Variants in DNAJC3 observed in about 807,000 individuals in gnomAD.
DNAJC3 encodes the protein dnaJ homolog subfamily C member 3.
Under a neutral mutation model 68.6 loss-of-function variants are expected in DNAJC3, and 38 were observed. That is an observed-to-expected ratio of 0.55 (90% CI 0.43 to 0.73). DNAJC3 has a LOEUF of 0.73. Among genes scored for constraint, DNAJC3 ranks in the 30% least tolerant of loss-of-function variants. The probability of loss-of-function intolerance (pLI) is 0.00; values close to 1 mark genes in which losing one functional copy is unlikely to be tolerated. For synonymous variants in DNAJC3, 203 were observed against 204.0 expected (o/e 1.00, Z 0.04); for missense variants, 526 against 591.9 (o/e 0.89, Z 1.16).
At chr13:95,787,443 C>A (rs1472065709) in intron 11 of DNAJC3, among the ~76,000 whole-genome samples, 2 of 152,160 alleles carry the variant, frequency 1.3e-5, no homozygotes, top group African/African-American at 4.8e-5. Flanking sequence ...GTTTTTTCAA[C>A]ACTGAGCATA....
chr13:95,771,339 T>C (rs1883153031), intron 9 of DNAJC3, among the ~76,000 whole-genome samples: 2 of 152,146 alleles, frequency 1.3e-5, no homozygotes, highest in Non-Finnish European at 2.9e-5. Context: ...AGTCAGACTT[T>C]ATTCAAGGGG....
chr13:95,679,785 A>G (rs1879866321), intron 1 of DNAJC3, among the ~76,000 whole-genome samples: 1 of 152,228 alleles, frequency 6.6e-6, no homozygotes, highest in Non-Finnish European at 1.5e-5. Context: ...ATCTCATAAT[A>G]CTATGTTGTA....
intron 1 of DNAJC3, among the ~76,000 whole-genome samples, chr13:95,691,020 AC>A (rs1366047353): frequency 8.5e-6 from 1 of 117,502 alleles, no homozygotes; most frequent in Non-Finnish European, 1.7e-5. Flanking sequence ...CGGGGGGCTG[AC>A]CCCCCCACCT....
At chr13:95,705,518 C>CT (rs1163411596) in intron 1 of DNAJC3, among the ~76,000 whole-genome samples, 2 of 149,818 alleles carry the variant, frequency 1.3e-5, no homozygotes, top group Admixed American at 6.6e-5. Context: ...CTCTCTCTCT[C>CT]TCTTTTTTTT....
intron 9 of DNAJC3, among the ~76,000 whole-genome samples, chr13:95,765,074 C>T (rs2139679514): frequency 6.6e-6 from 1 of 152,136 alleles, no homozygotes; most frequent in African/African-American, 2.4e-5. Context: ...ATGATGACAA[C>T]CTGGTCACTA....
At chr13:95,778,700 C>T (rs17880330) in intron 9 of DNAJC3, among the ~76,000 whole-genome samples, 2,269 of 152,194 alleles carry the variant, frequency 0.015, 60 homozygotes, top group African/African-American at 0.052. Flanking sequence ...TTGAAAAACA[C>T]CAAAATGTGT....
At chr13:95,691,031 T>C (rs1221155170) in intron 1 of DNAJC3, among the ~76,000 whole-genome samples, 2 of 134,186 alleles carry the variant, frequency 1.5e-5, no homozygotes, top group Non-Finnish European at 3.1e-5. Context: ...CCCCCCCACC[T>C]CCCTCCTGGA....
In DNAJC3 at chr13:95,763,869, G is replaced by T; in HGVS notation, c.991G>T (p.Glu331Ter). ...TGTTGAAGCTATTAGGGTTTGTTCTGAAGTTTTACAGATGGAACCTGACAA... is the reference window on the plus strand; with the variant it reads ...TGTTGAAGCTATTAGGGTTTGTTCTTAAGTTTTACAGATGGAACCTGACAA... ...KPVEAIRVCS[E>*]VLQMEPDNVN... The change falls in exon 9 of 12, where the codon GAA becomes TAA. Residue 331 changes from glutamate (E) to a stop codon, truncating the protein, a stop_gained. Transcript: ENST00000602402. LOFTEE classifies it high-confidence loss of function. 3 of 1,613,992 alleles carry T rather than the reference G, an allele frequency of 1.9e-6. No homozygotes were observed. Among genetic ancestry groups the T allele is most frequent in the Non-Finnish European group, 2.5e-6 (3 of 1,179,950 alleles).
At chr13:95,747,200 AAAG>A (rs1423376693) in intron 4 of DNAJC3, among the ~76,000 whole-genome samples, 1 of 152,218 alleles carries the variant, frequency 6.6e-6, no homozygotes, top group Non-Finnish European at 1.5e-5. Context: ...TGTTCTTTGC[AAAG>A]AAGCTAGTCT....
intron 1 of DNAJC3, among the ~76,000 whole-genome samples, chr13:95,682,132 A>G (rs770490885): frequency 1.3e-5 from 2 of 152,224 alleles, no homozygotes; most frequent in Non-Finnish European, 2.9e-5. Context: ...GAACATTCAG[A>G]TAATAGTAGA....
intron 9 of DNAJC3, among the ~76,000 whole-genome samples, chr13:95,785,629 T>TTG (rs988525585): frequency 7.3e-5 from 11 of 150,668 alleles, no homozygotes; most frequent in African/African-American, 2.7e-4. Context: ...CGGCTAATTT[T>TTG]TGTGTTTTTT....
chr13:95,733,876 C>T (rs1272608041), intron 4 of DNAJC3, among the ~76,000 whole-genome samples: 1 of 151,992 alleles, frequency 6.6e-6, no homozygotes. Flanking sequence ...CTTGTAAGTG[C>T]CATATAGTTA....
At chr13:95,764,556 T>C (rs934475511) in intron 9 of DNAJC3, among the ~76,000 whole-genome samples, 1 of 147,644 alleles carries the variant, frequency 6.8e-6, no homozygotes, top group African/African-American at 2.5e-5. Flanking sequence ...CTGCCAGATG[T>C]TGTGAGGTCC....
intron 5 of DNAJC3, among the ~76,000 whole-genome samples, chr13:95,758,083 G>A (rs532825812): frequency 2.6e-5 from 4 of 152,204 alleles, no homozygotes; most frequent in East Asian, 1.9e-4. Context: ...AAACTCTAGC[G>A]GTTAGATAAT....
chr13:95,753,213 A>G (rs1227477394), intron 4 of DNAJC3, among the ~76,000 whole-genome samples: 1 of 152,184 alleles, frequency 6.6e-6, no homozygotes, highest in Non-Finnish European at 1.5e-5. Flanking sequence ...GAATTTTAAT[A>G]TGCATGTTTA....
chr13:95,756,239 T>A (rs182648975), intron 4 of DNAJC3, among the ~76,000 whole-genome samples: 1 of 152,332 alleles, frequency 6.6e-6, no homozygotes, highest in Non-Finnish European at 1.5e-5. Flanking sequence ...CTCTCTCCGA[T>A]GGGGTTTATC....
intron 1 of DNAJC3, among the ~76,000 whole-genome samples, chr13:95,683,527 CT>C (rs1879984220): frequency 6.6e-6 from 1 of 152,202 alleles, no homozygotes; most frequent in Admixed American, 6.5e-5. Flanking sequence ...GTGCCTACTT[CT>C]CCTTTACCTT....
chr13:95,688,030 G>C (rs960279187), intron 1 of DNAJC3, among the ~76,000 whole-genome samples: 2 of 152,024 alleles, frequency 1.3e-5, no homozygotes, highest in Non-Finnish European at 2.9e-5. Context: ...TTTACTTTTT[G>C]TGTGTGGCTA....
chr13:95,736,475 G>A (rs1402570548), intron 4 of DNAJC3, among the ~76,000 whole-genome samples: 1 of 144,900 alleles, frequency 6.9e-6, no homozygotes, highest in Non-Finnish European at 1.5e-5. Context: ...TCTTCCATTT[G>A]TTTGTATCCT....
Sources: gnomAD v4.1 joint callset for allele counts (sites outside exome capture counted in the v4.1 genomes callset) on GRCh38, gnomAD v4.1.1 for gene constraint, MANE v1.5 for transcripts, NCBI Gene and HGNC (gene_info 2026-07-23, HGNC 2026-07-21) for gene names.